SBF2: variants seen among roughly 807,000 people sequenced by gnomAD.
SBF2 encodes myotubularin-related protein 13.
In SBF2, 112 loss-of-function variants were observed where a neutral mutation model predicts 225.2. The ratio of observed to expected loss-of-function variants is 0.50; its 90% CI spans 0.43 to 0.58. SBF2 has a LOEUF of 0.58. Ranked by LOEUF, SBF2 falls within the 20% of genes least tolerant of loss-of-function variation. The probability of loss-of-function intolerance (pLI) is 0.00; values close to 1 mark genes in which losing one functional copy is unlikely to be tolerated. For missense variants in SBF2, 1,996 were observed against 2,206.2 expected (o/e 0.90, Z 1.91); for synonymous variants, 763 against 773.3 (o/e 0.99, Z 0.22).
At chr11:9,897,880 C>G (rs1459798759) in intron 16 of SBF2, among the ~76,000 whole-genome samples, 1 of 152,134 alleles carries the variant, frequency 6.6e-6, no homozygotes. Context: ...GTTTTTTCCT[C>G]TAGACACTGC....
At chr11:9,934,976 A>G (rs1303986926) in intron 16 of SBF2, among the ~76,000 whole-genome samples, 2 of 152,210 alleles carry the variant, frequency 1.3e-5, no homozygotes, top group African/African-American at 4.8e-5. Flanking sequence ...GAAGAGAAAG[A>G]AATAAAAGGT....
intron 1 of SBF2, among the ~76,000 whole-genome samples, chr11:10,212,818 G>A (rs1275922212): frequency 5.3e-5 from 8 of 152,166 alleles, no homozygotes; most frequent in African/African-American, 9.7e-5. Flanking sequence ...TTGGGATGCC[G>A]AGGCAGGCAG....
At chr11:9,821,673 G>A (rs1402998164) in intron 28 of SBF2, among the ~76,000 whole-genome samples, 1 of 152,108 alleles carries the variant, frequency 6.6e-6, no homozygotes, top group Admixed American at 6.5e-5. Context: ...CACTCTAATA[G>A]GTCAAATCAG....
At chr11:9,823,715 A>G (rs904445820) in intron 28 of SBF2, among the ~76,000 whole-genome samples, 4 of 152,196 alleles carry the variant, frequency 2.6e-5, no homozygotes, top group African/African-American at 9.6e-5. Context: ...GAATCTTTTG[A>G]GACCCTTAAC....
intron 28 of SBF2, among the ~76,000 whole-genome samples, chr11:9,822,117 T>C (rs948860598): frequency 2.0e-5 from 3 of 152,236 alleles, no homozygotes; most frequent in Non-Finnish European, 4.4e-5. Context: ...ACATATACTA[T>C]TTAATTTATT....
intron 2 of SBF2, among the ~76,000 whole-genome samples, chr11:10,127,111 T>C (rs1271066246): frequency 6.6e-6 from 1 of 152,070 alleles, no homozygotes; most frequent in African/African-American, 2.4e-5. Flanking sequence ...TGGAGATGAA[T>C]AGCAACAACA....
At chr11:9,931,045 T>A (rs1276180098) in intron 16 of SBF2, among the ~76,000 whole-genome samples, 1 of 152,198 alleles carries the variant, frequency 6.6e-6, no homozygotes, top group Non-Finnish European at 1.5e-5. Flanking sequence ...GCAGCCTGGC[T>A]GGGGGAGGGG....
intron 1 of SBF2, among the ~76,000 whole-genome samples, chr11:10,236,020 G>A (rs998600760): frequency 3.3e-5 from 5 of 152,132 alleles, no homozygotes; most frequent in Admixed American, 6.5e-5. Context: ...GCAGTGAGCC[G>A]CAATTCTACC....
chr11:10,302,703 G>C (rs1964608940), intron 1 of SBF2: 1 of 152,344 alleles, frequency 6.6e-6, no homozygotes, highest in Non-Finnish European at 1.5e-5. Context: ...CCTCCTGGCA[G>C]AGCCACAGCT....
At chr11:9,878,542 A>G (rs1859480104) in intron 17 of SBF2, among the ~76,000 whole-genome samples, 1 of 152,216 alleles carries the variant, frequency 6.6e-6, no homozygotes, top group Non-Finnish European at 1.5e-5. Flanking sequence ...ATAATTTAAA[A>G]AAATCTGTGT....
At chr11:9,784,788 C>A in intron 37 of SBF2, 1 of 496,578 alleles carries the variant, frequency 2.0e-6, no homozygotes, top group Non-Finnish European at 3.7e-6. Context: ...TGAGTAAATT[C>A]CTTTTTGCTT....
Position 9,785,253 on chromosome 11 carries a change from C to A in SBF2, c.5103G>T (p.Arg1701Ser), listed in dbSNP as rs1379241648. The A allele has an allele frequency of 6.2e-7, 1 of 1,613,968 alleles. No individual in the cohort carries two copies. Among genetic ancestry groups the A allele is most frequent in the East Asian group, 2.2e-5 (1 of 44,894 alleles). The change falls in exon 37 of 40, where the codon AGG (arginine) becomes AGT (serine). Residue 1701 changes from arginine to serine, a missense_variant. By Grantham distance (110) the Arg-to-Ser change is moderately radical (BLOSUM62 -1). Coordinates refer to ENST00000256190, the MANE Select transcript of SBF2 (RefSeq NM_030962.4). ...VSTNLPSYQK[R>S]SLLHLPDSSM... is the part of the protein sequence containing the mutation. ...TGCTGTCTGGGAGATGTAGCAGAGACCTCTTCTGATAGGAAGGTAGGTTGG... is the reference window on the plus strand; with the variant it reads ...TGCTGTCTGGGAGATGTAGCAGAGAACTCTTCTGATAGGAAGGTAGGTTGG...
intron 26 of SBF2, among the ~76,000 whole-genome samples, chr11:9,835,628 T>A (rs1855684345): frequency 2.9e-4 from 1 of 3,418 alleles, no homozygotes; most frequent in South Asian, 2.9e-3. Context: ...CAAGACCTTG[T>A]CTCAAAAAAA....
Position 9,816,866 on chromosome 11 carries a change from T to C in SBF2, c.3952A>G (p.Ile1318Val). The C allele has an allele frequency of 3.1e-6, 5 of 1,614,152 alleles. No homozygotes were observed. In the South Asian group the frequency reaches 4.4e-5, roughly 14 times the overall value. ...QLLKRQAALYIFGEKSQLRNF... is the reference protein window; with the variant it reads ...QLLKRQAALYVFGEKSQLRNF... Reference sequence around the variant, plus strand: ...CTTAGTTGCGACTTTTCACCAAATATGTAAAGGGCTGCTTGCCGTTTCAAG... The same window carrying C: ...CTTAGTTGCGACTTTTCACCAAATACGTAAAGGGCTGCTTGCCGTTTCAAG... Residue 1318 changes from isoleucine (I) to valine (V), a missense_variant, in exon 29 of 40, where the codon ATA becomes GTA. Transcript: ENST00000256190.
chr11:9,815,597 A>C (rs1487993168), intron 29 of SBF2, among the ~76,000 whole-genome samples: 1 of 152,190 alleles, frequency 6.6e-6, no homozygotes, highest in Non-Finnish European at 1.5e-5. Context: ...AGCTAATCTG[A>C]GAAATTATGT....
rs1258635314 is a variant in SBF2 at position 10,238,582 on chromosome 11, A to C, written c.56-44595T>G. ...TAATGGTATAACCTTGAAAGATATG[A>C]AGCAAAATTGAGAGACACAAAGAGA... On this transcript the variant is annotated intron_variant, in intron 1 of 39. Transcript: ENST00000256190. Among the ~76,000 whole-genome samples the C allele has an allele frequency of 1.5e-5, 2 of 137,304 alleles. 1 individual carries two copies. The highest frequency in any genetic ancestry group is 5.0e-5 in the African/African-American group (2 of 39,692). The allele number at this position is 137,304 out of a possible 152,430, so 90.1% of individuals were successfully genotyped here.
chr11:10,293,987 CG>C, intron 1 of SBF2, 27 bp downstream of exon 1: 15 of 1,321,748 alleles, frequency 1.1e-5, no homozygotes, highest in South Asian at 8.5e-5. Flanking sequence ...CGGGGAGGCC[CG>C]GGGGCGGTGC....
intron 16 of SBF2, among the ~76,000 whole-genome samples, chr11:9,906,218 A>G (rs1862105165): frequency 6.6e-6 from 1 of 152,228 alleles, no homozygotes; most frequent in Non-Finnish European, 1.5e-5. Context: ...AAAGTTCAAC[A>G]GACTTGAGCT....
chr11:10,167,347 T>C (rs780988781), intron 2 of SBF2, among the ~76,000 whole-genome samples: 6 of 152,196 alleles, frequency 3.9e-5, no homozygotes, highest in Non-Finnish European at 7.3e-5. Flanking sequence ...CTCACGTCTG[T>C]AATCCCAGGA....
Sources: allele counts gnomAD v4.1 joint callset (sites outside exome capture counted in the v4.1 genomes callset), GRCh38; gene constraint gnomAD v4.1.1; transcripts MANE v1.5; gene names NCBI Gene and HGNC (gene_info 2026-07-23, HGNC 2026-07-21).